Variants in LRRC49 observed in about 807,000 individuals in gnomAD.
LRRC49 encodes leucine-rich repeat-containing protein 49.
Under a neutral mutation model 83.3 loss-of-function variants are expected in LRRC49, and 50 were observed. The ratio of observed to expected loss-of-function variants is 0.60; its 90% CI spans 0.48 to 0.76. LRRC49 has a LOEUF of 0.76. LRRC49 is among the 30% of genes least tolerant of loss of function. The pLI is 0.00. For synonymous variants in LRRC49, 286 were observed against 283.3 expected (o/e 1.01, Z -0.10); for missense variants, 704 against 809.1 (o/e 0.87, Z 1.58).
chr15:71,028,630 T>C (rs1005881187), intron 14 of LRRC49, among the ~76,000 whole-genome samples: 2 of 152,194 alleles, frequency 1.3e-5, no homozygotes, highest in African/African-American at 4.8e-5. Flanking sequence ...GAAGTTGTTA[T>C]TGGTGTATTC....
At chr15:71,012,082 T>G (rs2038671728) in intron 13 of LRRC49, among the ~76,000 whole-genome samples, 1 of 152,120 alleles carries the variant, frequency 6.6e-6, no homozygotes, top group Non-Finnish European at 1.5e-5. Flanking sequence ...CCAGTTGTTC[T>G]GTAGGGGGCA....
chr15:70,991,765 A>T (rs2037888879), intron 11 of LRRC49, among the ~76,000 whole-genome samples: 1 of 152,226 alleles, frequency 6.6e-6, no homozygotes, highest in African/African-American at 2.4e-5. Flanking sequence ...TACCTTAACT[A>T]AACTCTGAAA....
chr15:70,887,893 AAATT>A (rs1417126386), upstream of LRRC49, among the ~76,000 whole-genome samples: 2 of 152,194 alleles, frequency 1.3e-5, no homozygotes, highest in African/African-American at 2.4e-5. Context: ...AGTTCAACAA[AAATT>A]AATTTATCAA....
chr15:70,880,533 T>A (rs2033242525), intron 2 of LRRC49, among the ~76,000 whole-genome samples: 2 of 152,166 alleles, frequency 1.3e-5, no homozygotes, highest in Non-Finnish European at 2.9e-5. Context: ...CTAAATAAAT[T>A]AAAAATATTT....
chr15:70,901,156 T>G (rs1278371145), intron 4 of LRRC49, 132 bp downstream of exon 4: 1 of 560,626 alleles, frequency 1.8e-6, no homozygotes, highest in Non-Finnish European at 3.1e-6. Context: ...TAGATATAAT[T>G]TTTTTAACCA....
intron 4 of LRRC49, among the ~76,000 whole-genome samples, chr15:70,902,976 C>G (rs1396831488): frequency 6.6e-6 from 1 of 152,114 alleles, no homozygotes; most frequent in Non-Finnish European, 1.5e-5. Context: ...TGGGACTTAA[C>G]CACTGTGTTT....
chr15:71,001,722 C>T (rs1596124256), intron 11 of LRRC49, among the ~76,000 whole-genome samples: 4 of 151,874 alleles, frequency 2.6e-5, no homozygotes, highest in Admixed American at 1.3e-4. Context: ...CGGAGTCTCA[C>T]GCTCTGTCCC....
intron 1 of LRRC49, among the ~76,000 whole-genome samples, chr15:70,868,285 G>A (rs1043000065): frequency 2.0e-5 from 3 of 152,216 alleles, no homozygotes; most frequent in Non-Finnish European, 4.4e-5. Flanking sequence ...ACCTTGAAAT[G>A]TAAGCTATGA....
intron 15 of LRRC49, among the ~76,000 whole-genome samples, chr15:71,046,859 TG>T (rs2039868071): frequency 6.6e-6 from 1 of 152,198 alleles, no homozygotes; most frequent in Admixed American, 6.5e-5. Context: ...AGTTAATGTT[TG>T]TATATGGTGA....
At chr15:70,862,968 T>C (rs1282958735) in intron 1 of LRRC49, among the ~76,000 whole-genome samples, 6 of 152,330 alleles carry the variant, frequency 3.9e-5, no homozygotes, top group African/African-American at 1.4e-4. Flanking sequence ...ACGAGGATGC[T>C]TGGCATAGGG....
chr15:70,949,066 G>A (rs2036116406), intron 8 of LRRC49, among the ~76,000 whole-genome samples: 1 of 152,052 alleles, frequency 6.6e-6, no homozygotes, highest in African/African-American at 2.4e-5. Context: ...TTTCACATAT[G>A]ACATATTCTT....
upstream of LRRC49, among the ~76,000 whole-genome samples, chr15:70,888,422 T>C (rs1283211748): frequency 6.6e-6 from 1 of 152,194 alleles, no homozygotes; most frequent in Non-Finnish European, 1.5e-5. Context: ...GAAGAAATGC[T>C]AGTAGTTTCA....
rs1233209191 is a variant in LRRC49 at position 71,052,216 on chromosome 15, T to C, written c.*2604T>C. On this transcript the variant is annotated 3_prime_UTR_variant, in exon 16 of 16. Transcript: ENST00000260382. ...AGGGTTTTCAGGGAAGGGGAAGAGATGCAAATCCCATAGTCTGAGACTCTC... is the reference window on the plus strand; with the variant it reads ...AGGGTTTTCAGGGAAGGGGAAGAGACGCAAATCCCATAGTCTGAGACTCTC... 6.6e-6 allele frequency: 1 copy of C among 152,208 alleles called. No homozygotes were observed. Among genetic ancestry groups the C allele is most frequent in the African/African-American group, 2.4e-5 (1 of 41,434 alleles). The allele number at this position is 152,208 out of a possible 1,614,324, so 9.4% of individuals were successfully genotyped here.
At chr15:70,926,501 C>T (rs1368733430) in intron 7 of LRRC49, among the ~76,000 whole-genome samples, 1 of 151,976 alleles carries the variant, frequency 6.6e-6, no homozygotes, top group Non-Finnish European at 1.5e-5. Flanking sequence ...TAGAAACTAC[C>T]AGTTTTTTTG....
chr15:70,893,397 C>T (rs2033673363), intron 1 of LRRC49, 187 bp from the exon 2 acceptor site: 2 of 598,606 alleles, frequency 3.3e-6, no homozygotes, highest in Admixed American at 6.5e-5. Flanking sequence ...ATCAGTGAAA[C>T]CTTTTAATTC....
intron 7 of LRRC49, among the ~76,000 whole-genome samples, chr15:70,934,901 CAG>C (rs1386477439): frequency 6.6e-6 from 1 of 152,128 alleles, no homozygotes; most frequent in African/African-American, 2.4e-5. Flanking sequence ...CCCAGGAATA[CAG>C]AGAGGGTTTT....
intron 1 of LRRC49, among the ~76,000 whole-genome samples, chr15:70,865,873 G>A (rs1229803635): frequency 6.6e-6 from 1 of 152,158 alleles, no homozygotes; most frequent in African/African-American, 2.4e-5. Context: ...TGCTTGAATG[G>A]TTGCAAGGCA....
At chr15:70,918,609 A>G (rs2034884199) in intron 6 of LRRC49, 1 of 152,624 alleles carries the variant, frequency 6.6e-6, no homozygotes, top group Admixed American at 6.5e-5. Flanking sequence ...CAGTTTAAAT[A>G]GAATTAATAA....
At chr15:70,946,872 C>T (rs2036026640) in intron 8 of LRRC49, among the ~76,000 whole-genome samples, 1 of 151,730 alleles carries the variant, frequency 6.6e-6, no homozygotes, top group African/African-American at 2.4e-5. Context: ...CATTTGTAAT[C>T]CTCTTTTGGG....
Sources: gnomAD v4.1 joint callset for allele counts (sites outside exome capture counted in the v4.1 genomes callset) on GRCh38, gnomAD v4.1.1 for gene constraint, MANE v1.5 for transcripts, NCBI Gene and HGNC (gene_info 2026-07-23, HGNC 2026-07-21) for gene names.